TPR: variants seen among roughly 807,000 people sequenced by gnomAD.
TPR encodes nucleoprotein TPR.
TPR carries 51 observed loss-of-function variants against 316.1 expected under a neutral mutation model. The observed-to-expected ratio is 0.16, with a 90% CI of 0.13 to 0.20. The LOEUF is 0.20. Ranked by LOEUF, TPR falls within the 10% of genes least tolerant of loss-of-function variation. TPR has a pLI of 1.00. For missense variants in TPR, 2,272 were observed against 2,754.8 expected (o/e 0.82, Z 3.92); for synonymous variants, 981 against 914.7 (o/e 1.07, Z -1.31).
chr1:186,317,627 C>T (rs956539151), intron 48 of TPR, 27 bp from the exon 49 acceptor site: 23 of 1,583,088 alleles, frequency 1.5e-5, no homozygotes, highest in Non-Finnish European at 2.0e-5. Context: ...TGAGAAAATA[C>T]AAAACTGATC....
rs1657395778 is a variant in TPR at position 186,312,979 on chromosome 1, T to C, written c.*992A>G. ...AAAGTAAAAATGCTGGCTGCAATGATGACTGAATGTGAGAAGTTACACTAC... is the reference window on the plus strand; with the variant it reads ...AAAGTAAAAATGCTGGCTGCAATGACGACTGAATGTGAGAAGTTACACTAC... On this transcript the variant is annotated 3_prime_UTR_variant, in exon 51 of 51. Transcript: ENST00000367478. 2.2e-6 allele frequency: 3 copies of C among 1,368,840 alleles called. No homozygotes were observed. The highest frequency in any genetic ancestry group is 3.1e-6 in the Non-Finnish European group (3 of 960,678). 84.8% of individuals were successfully genotyped at this position (1,368,840 alleles called of 1,614,324 possible).
chr1:186,325,595 C>A (rs945026857), intron 42 of TPR, 169 bp downstream of exon 42: 2 of 526,540 alleles, frequency 3.8e-6, no homozygotes, highest in Non-Finnish European at 6.4e-6. Flanking sequence ...ACCTAACAAT[C>A]ATAAATATAG....
At chr1:186,364,042 TTC>T (rs770779822) in intron 4 of TPR, among the ~76,000 whole-genome samples, 3 of 152,210 alleles carry the variant, frequency 2.0e-5, no homozygotes, top group Non-Finnish European at 4.4e-5. Flanking sequence ...TGTGAGCAGT[TTC>T]TCTCTTCAGT....
Position 186,338,349 on chromosome 1 carries a change from T to G in TPR, c.4152-106A>C, listed in dbSNP as rs563983098. 3.6e-4 allele frequency: 344 copies of G among 945,158 alleles called. 7 individuals carry two copies. In the South Asian group the frequency reaches 5.8e-3, roughly 16 times the overall value. The allele number at this position is 945,158 out of a possible 1,614,324, so 58.5% of individuals were successfully genotyped here. A position where few individuals can be genotyped will look rare whatever the true frequency, so the allele number is the denominator to read the frequency against. ...ATACTGCTTTAATAACTTTTTTTTTTGAAAATCCTAAAAAATACCCATATA... is the reference window on the plus strand; with the variant it reads ...ATACTGCTTTAATAACTTTTTTTTTGGAAAATCCTAAAAAATACCCATATA... On this transcript the variant is annotated intron_variant, in intron 30 of 50. Coordinates refer to ENST00000367478, the MANE Select transcript of TPR (RefSeq NM_003292.3).
Position 186,344,569 on chromosome 1 carries a change from C to T in TPR, c.3223G>A (p.Ala1075Thr), listed in dbSNP as rs1658618051. ...TCATACTTATTCTGAGCTTCCACAG[C>T]TATTTTAGCCTATAAGAAATTATTA... is the stretch of plus-strand genomic sequence containing the variant. ...RRDCQEQAKI[A>T]VEAQNKYERE... The change falls in exon 25 of 51, where the codon GCT becomes ACT. Residue 1075 changes from alanine to threonine, a missense_variant. This residue lies in a region of TPR where 757 missense variants were observed against 859.8 expected (regional missense o/e 0.88). Transcript: ENST00000367478. 1 of 1,528,542 alleles carries T rather than the reference C, an allele frequency of 6.5e-7. No individual in the cohort carries two copies. Among genetic ancestry groups the T allele is most frequent in the Non-Finnish European group, 8.8e-7 (1 of 1,140,844 alleles). The allele number at this position is 1,528,542 out of a possible 1,614,324, so 94.7% of individuals were successfully genotyped here.
At chr1:186,359,155 A>T (rs1278769526) in intron 12 of TPR, among the ~76,000 whole-genome samples, 1 of 152,164 alleles carries the variant, frequency 6.6e-6, no homozygotes. Flanking sequence ...CATTTAACTG[A>T]ATTTCCTCCA....
chr1:186,338,139 G>C lies in TPR; in HGVS notation c.4256C>G (p.Ala1419Gly), dbSNP rs983384765. The C allele has an allele frequency of 6.2e-6, 10 of 1,612,244 alleles. No homozygotes were observed. The highest frequency in any genetic ancestry group is 7.6e-6 in the Non-Finnish European group (9 of 1,179,272). The change falls in exon 31 of 51, where the codon GCC (alanine) becomes GGC (glycine). Residue 1419 changes from alanine (A) to glycine (G), a missense_variant. Ala to Gly is a moderately conservative substitution (Grantham distance 60). Coordinates refer to ENST00000367478, the MANE Select transcript of TPR (RefSeq NM_003292.3). ...EKETIQKDLDAKIIDIQEKVK... is the reference protein window; with the variant it reads ...EKETIQKDLDGKIIDIQEKVK... ...TTTTTCTTGGATATCAATTATTTTG[G>C]CATCTAAGTCCTTCTGGATGGTTTC...
At chr1:186,352,416 G>C (rs1201190320) in intron 18 of TPR, among the ~76,000 whole-genome samples, 2 of 152,094 alleles carry the variant, frequency 1.3e-5, no homozygotes, top group Non-Finnish European at 2.9e-5. Context: ...AAGCAGAATT[G>C]CATGACTGCT....
At chr1:186,314,901 A>C (rs527503622) in intron 49 of TPR, among the ~76,000 whole-genome samples, 177 bp from the exon 50 acceptor site, 4 of 152,134 alleles carry the variant, frequency 2.6e-5, no homozygotes, top group Non-Finnish European at 5.9e-5. Flanking sequence ...GTAAATGGTT[A>C]AACAACAAAA....
In TPR at chr1:186,351,365, C is replaced by G. The variant is rs373627839; in HGVS notation, c.2575G>C (p.Val859Leu). 2.9e-5 allele frequency: 47 copies of G among 1,612,228 alleles called. No individual in the cohort carries two copies. The highest frequency in any genetic ancestry group is 3.5e-5 in the Non-Finnish European group (41 of 1,179,264). The change falls in exon 20 of 51, where the codon GTG becomes CTG. Residue 859 changes from valine to leucine, a missense_variant. Val to Leu is a conservative substitution (Grantham distance 32). Around this residue, in one of 10 missense-constraint regions of TPR, gnomAD observed 757 missense variants for 859.8 expected, o/e 0.88. Coordinates refer to ENST00000367478, the MANE Select transcript of TPR (RefSeq NM_003292.3). ...SHLKKKLENE[V>L]EQRHTLTRNL... The stretch of plus-strand genomic sequence containing the variant: ...CTAGTAAGTGTATGCCTTTGTTCCA[C>G]CTCATTTTCCAACTTCTTCTTTAGA...
At chr1:186,347,556 C>T (rs1258147447) in intron 21 of TPR, 98 bp from the exon 22 acceptor site, 10 of 1,260,692 alleles carry the variant, frequency 7.9e-6, no homozygotes, top group Non-Finnish European at 8.6e-6. Context: ...GGTTCAAATA[C>T]AGATATATTT....
chr1:186,355,805 G>A, intron 15 of TPR, 37 bp from the exon 16 acceptor site: 2 of 1,605,010 alleles, frequency 1.2e-6, no homozygotes. Context: ...TGCTTTGTTG[G>A]CTTTCATAAA....
intron 35 of TPR, among the ~76,000 whole-genome samples, 169 bp downstream of exon 35, chr1:186,334,888 CTGAAAGTATGG>C (rs572968314): frequency 1.0e-3 from 155 of 152,172 alleles, no homozygotes; most frequent in Non-Finnish European, 1.6e-3. Flanking sequence ...TCTGATAGGA[CTGAAAGTATGG>C]TGAAAACAAG....
chr1:186,320,163 T>A (rs1657738037), intron 46 of TPR, 149 bp downstream of exon 46: 2 of 655,326 alleles, frequency 3.1e-6, no homozygotes, highest in South Asian at 5.3e-5. Flanking sequence ...GCTTAATAAG[T>A]ATACTACAGC....
chr1:186,362,305 A>G lies in TPR; in HGVS notation c.772T>C (p.Leu258=). 1 of 1,612,320 alleles carries G rather than the reference A, an allele frequency of 6.2e-7. No individual in the cohort carries two copies. Among genetic ancestry groups the G allele is most frequent in the Non-Finnish European group, 8.5e-7 (1 of 1,178,744 alleles). ...EHLQKHVEDL[L]TKLKEAKEQQ... ...ATATATACCTCTTTTAATTTGGTCA[A>G]CAGATCCTCCACATGCTTTTGAAGA... Residue 258 remains leucine, a synonymous_variant, in exon 7 of 51, where the codon TTG becomes CTG. Transcript: ENST00000367478.
chr1:186,325,699 A>T (rs1657905377), intron 42 of TPR, 65 bp downstream of exon 42: 2 of 1,228,696 alleles, frequency 1.6e-6, no homozygotes, highest in East Asian at 2.4e-5. Context: ...ATTAGAATTA[A>T]GTGCAATTCT....
rs563143056 is a variant in TPR at position 186,323,885 on chromosome 1, A to T, written c.6113-15T>A. On this transcript the variant is annotated splice_polypyrimidine_tract_variant and intron_variant, in intron 42 of 50. Coordinates refer to ENST00000367478, the MANE Select transcript of TPR (RefSeq NM_003292.3). ...ATTTCCTTCACCTGTAGGAAAAGAGAAATTTACTTTTGAACTGCTAAATTT... is the reference window on the plus strand; with the variant it reads ...ATTTCCTTCACCTGTAGGAAAAGAGTAATTTACTTTTGAACTGCTAAATTT... 1.2e-5 allele frequency: 19 copies of T among 1,520,446 alleles called. No homozygotes were observed. In the South Asian group the frequency reaches 2.6e-4, roughly 21 times the overall value. The allele number at this position is 1,520,446 out of a possible 1,614,324, so 94.2% of individuals were successfully genotyped here.
intron 20 of TPR, 131 bp downstream of exon 20, chr1:186,351,199 G>T: frequency 9.5e-7 from 1 of 1,055,994 alleles, no homozygotes; most frequent in Non-Finnish European, 1.3e-6. Context: ...TGGGTATAGA[G>T]TGAGGCAAGA....
rs1169582620 is a variant in TPR at position 186,363,006 on chromosome 1, A to C, written c.532-5T>G. 1.2e-5 allele frequency: 19 copies of C among 1,591,804 alleles called. No homozygotes were observed. The highest frequency in any genetic ancestry group is 1.6e-5 in the Non-Finnish European group (19 of 1,175,338). On this transcript the variant is annotated splice_polypyrimidine_tract_variant and splice_region_variant and intron_variant, in intron 5 of 50. Transcript: ENST00000367478. ...CTCCAAGCGTTTTTCTCGATACTAA[A>C]GAAATCCAAGAAAATAACACGTACA... is the stretch of plus-strand genomic sequence containing the variant.
Sources: allele counts gnomAD v4.1 joint callset (sites outside exome capture counted in the v4.1 genomes callset), GRCh38; gene constraint gnomAD v4.1.1; regional missense constraint gnomAD v4.1.1; transcripts MANE v1.5; gene names NCBI Gene and HGNC (gene_info 2026-07-23, HGNC 2026-07-21).